Variants in RPS6KA2 observed in about 807,000 individuals in gnomAD.
The protein encoded by RPS6KA2 is ribosomal protein S6 kinase A2, also known as ribosomal protein S6 kinase alpha-2.
In RPS6KA2, 42 loss-of-function variants were observed where a neutral mutation model predicts 91.8. That is an observed-to-expected ratio of 0.46 (90% CI 0.36 to 0.59). The LOEUF is 0.59. RPS6KA2 is among the 20% of genes least tolerant of loss of function. The pLI is 0.00. For synonymous variants in RPS6KA2, 414 were observed against 393.6 expected (o/e 1.05, Z -0.61); for missense variants, 798 against 978.5 (o/e 0.82, Z 2.46).
At chr6:166,796,157 C>T (rs528367690) in intron 2 of RPS6KA2, among the ~76,000 whole-genome samples, 12 of 152,250 alleles carry the variant, frequency 7.9e-5, no homozygotes, top group South Asian at 4.2e-4. Flanking sequence ...CTATTCCTAG[C>T]GGGGAGACTA....
chr6:166,461,502 G>T (rs564079142), intron 11 of RPS6KA2, among the ~76,000 whole-genome samples: 21 of 109,050 alleles, frequency 1.9e-4, no homozygotes, highest in Non-Finnish European at 1.4e-4. Context: ...GAGAGGTGGA[G>T]AGAGAGAGAG....
chr6:166,798,808 C>G (rs769078960), intron 2 of RPS6KA2, among the ~76,000 whole-genome samples: 1 of 152,198 alleles, frequency 6.6e-6, no homozygotes, highest in East Asian at 1.9e-4. Flanking sequence ...GACCTCGCAC[C>G]CATCCCAAAC....
intron 2 of RPS6KA2, among the ~76,000 whole-genome samples, chr6:166,704,382 C>T (rs1789617540): frequency 6.6e-6 from 1 of 152,236 alleles, no homozygotes; most frequent in Non-Finnish European, 1.5e-5. Context: ...GCCTGGTTTG[C>T]TCCAGAGCAC....
intron 2 of RPS6KA2, among the ~76,000 whole-genome samples, chr6:166,799,642 T>C (rs1239487514): frequency 6.6e-6 from 1 of 152,226 alleles, no homozygotes; most frequent in South Asian, 2.1e-4. Flanking sequence ...ACTACGGTAA[T>C]TGGATTCCAG....
chr6:166,791,874 A>C (rs1017277383), intron 2 of RPS6KA2, among the ~76,000 whole-genome samples: 8 of 152,046 alleles, frequency 5.3e-5, no homozygotes, highest in African/African-American at 1.9e-4. Flanking sequence ...CAGTGTGTAG[A>C]GGGAAATTTA....
At chr6:166,519,646 G>GCA (rs1782778217) in intron 3 of RPS6KA2, among the ~76,000 whole-genome samples, 1 of 152,178 alleles carries the variant, frequency 6.6e-6, no homozygotes. Context: ...ACTGTGAAGG[G>GCA]CACACTGGTT....
chr6:166,778,547 C>G (rs1245060286), intron 2 of RPS6KA2, among the ~76,000 whole-genome samples: 1 of 152,226 alleles, frequency 6.6e-6, no homozygotes, highest in Non-Finnish European at 1.5e-5. Context: ...GGGTGGATCA[C>G]CTGAGGTCAG....
At chr6:166,680,499 TG>T (rs1788763326) in intron 2 of RPS6KA2, among the ~76,000 whole-genome samples, 1 of 152,202 alleles carries the variant, frequency 6.6e-6, no homozygotes, top group South Asian at 2.1e-4. Flanking sequence ...TAAATCTTGC[TG>T]GTGCCCACTT....
intron 2 of RPS6KA2, among the ~76,000 whole-genome samples, chr6:166,681,124 G>C (rs1234359141): frequency 1.3e-5 from 2 of 152,224 alleles, no homozygotes; most frequent in East Asian, 3.9e-4. Flanking sequence ...CAGAGAGGCA[G>C]CGCCAGAGCA....
chr6:166,743,832 C>CA (rs1790890505), intron 2 of RPS6KA2, among the ~76,000 whole-genome samples: 7 of 150,864 alleles, frequency 4.6e-5, no homozygotes, highest in African/African-American at 1.7e-4. Context: ...GGTCAGTGCA[C>CA]GGCAGACAGG....
intron 1 of RPS6KA2, among the ~76,000 whole-genome samples, chr6:166,611,201 T>A (rs887175699): frequency 6.6e-6 from 1 of 152,240 alleles, no homozygotes; most frequent in African/African-American, 2.4e-5. Flanking sequence ...CAAATATACA[T>A]CCTATTAAGA....
rs1787370890 is a variant in RPS6KA2 at position 166,639,774 on chromosome 6, G to A, written c.124-100990C>T. On this transcript the variant is annotated intron_variant, in intron 2 of 21. Coordinates refer to the RPS6KA2 transcript ENST00000503859. This position sits in a 1 kb window ranked among gnomAD's most constrained non-coding sequence, Gnocchi z 4.2. ...TCCAGCATCTTCCAGACCCAGCATT[G>A]CTCCAGGAAGCCACACCGAGATCAC... Among the ~76,000 whole-genome samples, 1 of 151,698 alleles carries A rather than the reference G, an allele frequency of 6.6e-6. No homozygotes were observed. Among genetic ancestry groups the A allele is most frequent in the Non-Finnish European group, 1.5e-5 (1 of 67,926 alleles).
intron 11 of RPS6KA2, among the ~76,000 whole-genome samples, chr6:166,468,109 G>C (rs927506534): frequency 4.6e-5 from 7 of 152,264 alleles, no homozygotes; most frequent in African/African-American, 1.7e-4. Flanking sequence ...CGCCGTGTAA[G>C]GTGAAGTCTC....
intron 2 of RPS6KA2, among the ~76,000 whole-genome samples, chr6:166,809,740 G>T (rs192521881): frequency 4.7e-4 from 72 of 152,350 alleles, no homozygotes; most frequent in Non-Finnish European, 9.3e-4. Flanking sequence ...GCAGGTGGGT[G>T]CAGGTGGCAC....
At chr6:166,488,758 C>A in intron 10 of RPS6KA2, 75 bp downstream of exon 10, 1 of 1,177,396 alleles carries the variant, frequency 8.5e-7, no homozygotes, top group Non-Finnish European at 1.2e-6. Flanking sequence ...GGAGGGTGGC[C>A]CTCCACATCT....
chr6:166,657,075 C>A (rs1788024175), intron 2 of RPS6KA2, among the ~76,000 whole-genome samples: 1 of 152,150 alleles, frequency 6.6e-6, no homozygotes, highest in African/African-American at 2.4e-5. Flanking sequence ...CCACCCCCAA[C>A]ACAGAGACGG....
rs576758936 is a variant in RPS6KA2, at chr6:166,640,954, A to G, written c.124-102170T>C. On this transcript the variant is annotated intron_variant, in intron 2 of 21. Coordinates refer to the RPS6KA2 transcript ENST00000503859. ...AGCAAGGGGTAAAAACTGCCCTCTC[A>G]GATTTCTTTAGCTCACACTTCAGCC... Among the ~76,000 whole-genome samples the G allele has an allele frequency of 1.5e-3, 235 of 152,302 alleles. 2 individuals carry two copies. Among genetic ancestry groups the G allele is most frequent in the African/African-American group, 5.4e-3 (226 of 41,562 alleles).
intron 2 of RPS6KA2, among the ~76,000 whole-genome samples, chr6:166,692,744 C>T (rs75005833): frequency 0.01 from 1,571 of 152,282 alleles, 25 homozygotes; most frequent in African/African-American, 0.036. Flanking sequence ...AACCAAACAA[C>T]ACGGCAGGCT....
chr6:166,862,129 C>T, exon 1 of RPS6KA2: 1 of 1,614,252 alleles, frequency 6.2e-7, no homozygotes, highest in Non-Finnish European at 8.5e-7. Context: ...TAGGCTCCAC[C>T]TCGATCTTTT....
Sources: gnomAD v4.1 joint callset for allele counts (sites outside exome capture counted in the v4.1 genomes callset) on GRCh38, gnomAD v4.1.1 for gene constraint, Gnocchi (gnomAD v3.1) non-coding constraint, MANE v1.5 for transcripts, NCBI Gene and HGNC (gene_info 2026-07-23, HGNC 2026-07-21) for gene names.